Variants in CA10 observed in about 807,000 individuals in gnomAD.
CA10 encodes carbonic anhydrase 10 (inactive), also known as carbonic anhydrase-related protein 10.
In CA10, 14 loss-of-function variants were observed where a neutral mutation model predicts 44.2. The observed-to-expected ratio is 0.32, with a 90% CI of 0.21 to 0.50. The LOEUF (loss-of-function observed/expected upper bound fraction) is 0.50. Ranked by LOEUF, CA10 falls within the 20% of genes least tolerant of loss-of-function variation. The probability of loss-of-function intolerance (pLI) is 0.99; values close to 1 mark genes in which losing one functional copy is unlikely to be tolerated. For synonymous variants in CA10, 159 were observed against 141.6 expected (o/e 1.12, Z -0.87); for missense variants, 350 against 409.7 (o/e 0.85, Z 1.26).
At chr17:52,010,680 G>T (rs1254734946) in intron 2 of CA10, among the ~76,000 whole-genome samples, 7 of 151,806 alleles carry the variant, frequency 4.6e-5, no homozygotes. Flanking sequence ...TACACTACTT[G>T]GGTGATGGGT....
At chr17:52,103,550 C>T (rs907450671) in intron 1 of CA10, among the ~76,000 whole-genome samples, 2 of 152,142 alleles carry the variant, frequency 1.3e-5, no homozygotes, top group Admixed American at 6.5e-5. Flanking sequence ...TGCCTGTGCC[C>T]GAGACTGCTG....
chr17:52,128,387 T>C (rs1016038575), intron 1 of CA10, among the ~76,000 whole-genome samples: 6 of 152,198 alleles, frequency 3.9e-5, no homozygotes. Flanking sequence ...GAAAGAAAGA[T>C]GTACTTACCA....
rs181295404 is a variant in CA10, at chr17:51,939,718, C to T, written c.137-8586G>A. ...TGATTATTTGCATTTCTCTTCTGAT[C>T]GTATTCTTCACATATTTTTCTCTGG... On this transcript the variant is annotated intron_variant, in intron 2 of 8. Transcript: ENST00000451037. Among the ~76,000 whole-genome samples the T allele has an allele frequency of 5.2e-4, 79 of 152,134 alleles. 2 individuals are homozygous for T. The South Asian group carries it at 0.011, about 21-fold the overall frequency.
At chr17:51,840,876 G>A (rs991236761) in intron 3 of CA10, among the ~76,000 whole-genome samples, 2 of 152,188 alleles carry the variant, frequency 1.3e-5, no homozygotes, top group African/African-American at 4.8e-5. Flanking sequence ...CAGTAACAGA[G>A]GCAGACTTCA....
At chr17:51,681,711 C>T (rs1344958629) in intron 4 of CA10, among the ~76,000 whole-genome samples, 1 of 152,084 alleles carries the variant, frequency 6.6e-6, no homozygotes, top group East Asian at 1.9e-4. Context: ...GTAAGGGGTA[C>T]AATTGCAGTT....
chr17:52,112,144 A>G (rs1259435620), intron 1 of CA10, among the ~76,000 whole-genome samples: 2 of 152,044 alleles, frequency 1.3e-5, no homozygotes, highest in South Asian at 2.1e-4. Context: ...ACCAGATTTC[A>G]TTTTAGTTCT....
At chr17:51,850,954 C>A (rs978749082) in intron 3 of CA10, among the ~76,000 whole-genome samples, 2 of 152,150 alleles carry the variant, frequency 1.3e-5, no homozygotes, top group African/African-American at 4.8e-5. Context: ...TGGGAATTCA[C>A]AGTTTAAAGG....
intron 1 of CA10, among the ~76,000 whole-genome samples, chr17:52,126,537 A>G (rs745718065): frequency 2.0e-5 from 3 of 152,160 alleles, no homozygotes; most frequent in South Asian, 2.1e-4. Context: ...GAAAGCATCA[A>G]TCTCTAGGAT....
At chr17:51,759,152 A>C (rs1166397723) in intron 3 of CA10, among the ~76,000 whole-genome samples, 1 of 152,086 alleles carries the variant, frequency 6.6e-6, no homozygotes, top group African/African-American at 2.4e-5. Flanking sequence ...TGTCTGGATC[A>C]ATTTTTTTTT....
intron 3 of CA10, among the ~76,000 whole-genome samples, chr17:51,799,494 C>T (rs572122821): frequency 3.9e-5 from 6 of 152,256 alleles, no homozygotes; most frequent in Admixed American, 2.0e-4. Flanking sequence ...TGAATCTCAT[C>T]CTCCAACAGA....
intron 1 of CA10, among the ~76,000 whole-genome samples, chr17:52,143,786 G>T (rs1167507205): frequency 6.6e-6 from 1 of 152,100 alleles, no homozygotes; most frequent in African/African-American, 2.4e-5. Context: ...TTGTAATCCA[G>T]CCTCTACCAA....
chr17:51,931,169 A>G (rs760815614), intron 2 of CA10, 37 bp from the exon 3 acceptor site: 2 of 1,606,332 alleles, frequency 1.2e-6, no homozygotes, highest in Non-Finnish European at 1.7e-6. Context: ...TAGGCTGAGT[A>G]GCAGGTTGGG....
intron 2 of CA10, among the ~76,000 whole-genome samples, chr17:51,963,618 C>T (rs910696212): frequency 3.9e-5 from 6 of 152,076 alleles, no homozygotes; most frequent in Non-Finnish European, 5.9e-5. Flanking sequence ...ATTTTTAGCA[C>T]TTTTAAAGAA....
intron 3 of CA10, among the ~76,000 whole-genome samples, chr17:51,759,599 T>G (rs1429117535): frequency 6.6e-6 from 1 of 152,032 alleles, no homozygotes; most frequent in Non-Finnish European, 1.5e-5. Context: ...TTCCATTTGT[T>G]GGATGAAAAT....
At chr17:52,055,866 G>A (rs1339645326) in intron 2 of CA10, among the ~76,000 whole-genome samples, 1 of 152,082 alleles carries the variant, frequency 6.6e-6, no homozygotes, top group Non-Finnish European at 1.5e-5. Context: ...CTAAGAATAA[G>A]GCAGATAGCC....
intron 2 of CA10, among the ~76,000 whole-genome samples, chr17:51,995,829 T>C (rs991963922): frequency 6.6e-6 from 1 of 152,032 alleles, no homozygotes; most frequent in Non-Finnish European, 1.5e-5. Flanking sequence ...CTGGGCCAGC[T>C]TTTGTGTCTC....
chr17:51,925,284 C>T (rs1401120840), intron 3 of CA10, among the ~76,000 whole-genome samples: 4 of 152,026 alleles, frequency 2.6e-5, no homozygotes, highest in African/African-American at 9.7e-5. Context: ...GATCTTCTAC[C>T]CTCTGTATCA....
intron 1 of CA10, among the ~76,000 whole-genome samples, chr17:52,148,418 C>T (rs139390148): frequency 5.5e-4 from 84 of 152,320 alleles, no homozygotes; most frequent in African/African-American, 2.0e-3. Flanking sequence ...GGCCGAAATA[C>T]ATTTTAAACA....
At chr17:51,849,326 C>T (rs1978686086) in intron 3 of CA10, among the ~76,000 whole-genome samples, 2 of 146,938 alleles carry the variant, frequency 1.4e-5, no homozygotes, top group South Asian at 2.2e-4. Context: ...ACATGCATCA[C>T]CTACCACAGT....
Sources: gnomAD v4.1 joint callset for allele counts (sites outside exome capture counted in the v4.1 genomes callset) on GRCh38, gnomAD v4.1.1 for gene constraint, MANE v1.5 for transcripts, NCBI Gene and HGNC (gene_info 2026-07-23, HGNC 2026-07-21) for gene names.